TMPRSS3: variants seen among roughly 807,000 people sequenced by gnomAD.
TMPRSS3 encodes the protein transmembrane protease serine 3.
TMPRSS3 carries 55 observed loss-of-function variants against 59.6 expected under a neutral mutation model. The observed-to-expected ratio is 0.92, with a 90% confidence interval of 0.74 to 1.16. The LOEUF is 1.16. Ranked by LOEUF, TMPRSS3 falls within the 50% of genes most tolerant of loss-of-function variation. TMPRSS3 has a pLI of 0.00. For synonymous variants in TMPRSS3, 257 were observed against 237.7 expected, an observed-to-expected ratio of 1.08 and a Z score of -0.75; for missense variants, 596 against 579.4, an observed-to-expected ratio of 1.03 and a Z score of -0.29.
chr21:42,375,644 C>G, intron 12 of TMPRSS3, 72 bp downstream of exon 12: 1 of 1,598,290 alleles, frequency 6.3e-7, no homozygotes, highest in South Asian at 1.1e-5. Flanking sequence ...ATAGCAAGAC[C>G]AGGGTTGCAT....
intron 8 of TMPRSS3, chr21:42,382,530 T>C (rs898990317): frequency 2.2e-5 from 10 of 462,728 alleles, no homozygotes; most frequent in Non-Finnish European, 4.0e-6. Context: ...GCACTACTGT[T>C]CATCAAACAG....
intron 9 of TMPRSS3, chr21:42,381,840 A>G (rs2052534337): frequency 5.8e-6 from 4 of 683,884 alleles, no homozygotes; most frequent in African/African-American, 1.8e-5. Context: ...CACATTGTCC[A>G]GGATACAATT....
intron 10 of TMPRSS3, among the ~76,000 whole-genome samples, chr21:42,379,275 G>T (rs1827433001): frequency 6.6e-6 from 1 of 151,884 alleles, no homozygotes; most frequent in Non-Finnish European, 1.5e-5. Context: ...CAATCCTCCT[G>T]CCTTGGCCTC....
At chr21:42,387,507 A>T (rs1375595549) in intron 5 of TMPRSS3, among the ~76,000 whole-genome samples, 1 of 151,866 alleles carries the variant, frequency 6.6e-6, no homozygotes, top group African/African-American at 2.4e-5. Flanking sequence ...TCTGAATCTC[A>T]GTTGGTGTGG....
intron 9 of TMPRSS3, 106 bp from the exon 10 acceptor site, chr21:42,380,318 G>A: frequency 7.6e-6 from 7 of 922,698 alleles, no homozygotes; most frequent in Non-Finnish European, 1.2e-5. Context: ...TCTCCCAAGG[G>A]AAGGAAGGTC....
At chr21:42,387,689 A>G (rs143759099) in intron 5 of TMPRSS3, among the ~76,000 whole-genome samples, 1 of 152,276 alleles carries the variant, frequency 6.6e-6, no homozygotes, top group African/African-American at 2.4e-5. Context: ...GCAAAGCAGA[A>G]TGCAGCCTGC....
Position 42,375,708 on chromosome 21 carries a change from G to A in TMPRSS3, c.1344+8C>T, listed in dbSNP as rs368075894. 85 of 1,613,520 alleles carry A rather than the reference G, an allele frequency of 5.3e-5. No homozygotes were observed. Among genetic ancestry groups the A allele is most frequent in the Admixed American group, 1.3e-4 (8 of 59,996 alleles). On this transcript the variant is annotated splice_region_variant and intron_variant, in intron 12 of 12. Coordinates refer to ENST00000644384, the MANE Select transcript of TMPRSS3 (RefSeq NM_001256317.3). Reference sequence around the variant, plus strand: ...GACAACGTGAGCTGGGGAGGGCGCCGCACCCACCTCCATCTGCTCGTGGAT... The same window carrying A: ...GACAACGTGAGCTGGGGAGGGCGCCACACCCACCTCCATCTGCTCGTGGAT...
chr21:42,375,483 G>C (rs1007596129), intron 12 of TMPRSS3, among the ~76,000 whole-genome samples: 1 of 151,434 alleles, frequency 6.6e-6, no homozygotes, highest in Admixed American at 6.6e-5. Context: ...TCTTCCTCCC[G>C]GGCCCCAGCT....
Position 42,383,900 on chromosome 21 carries a change from CT to C in TMPRSS3, c.616+69del, listed in dbSNP as rs751247270. 7.1e-5 allele frequency: 111 copies of C among 1,552,586 alleles called. 1 individual carries two copies. The highest frequency in any genetic ancestry group is 7.8e-5 in the Non-Finnish European group (88 of 1,125,596). On this transcript the variant is annotated intron_variant, in intron 7 of 12. Coordinates refer to ENST00000644384, the MANE Select transcript of TMPRSS3 (RefSeq NM_001256317.3). ...CAGAGCCCCATGGGGGGAGAGGACT[CT>C]GAGGGCAAGGAGATAGGACTTAGCA... is the stretch of plus-strand genomic sequence containing the variant.
chr21:42,390,859 C>T (rs990177033), intron 2 of TMPRSS3, among the ~76,000 whole-genome samples: 10 of 152,206 alleles, frequency 6.6e-5, no homozygotes, highest in African/African-American at 2.4e-4. Context: ...AATGCATCTA[C>T]ACACCAAGAA....
At chr21:42,376,813 C>T (rs1486275386) in intron 10 of TMPRSS3, 130 bp from the exon 11 acceptor site, 33 of 1,398,980 alleles carry the variant, frequency 2.4e-5, no homozygotes, top group Non-Finnish European at 2.8e-5. Flanking sequence ...GTCGCAACAG[C>T]GGAAAAGGAC....
intron 6 of TMPRSS3, 140 bp from the exon 7 acceptor site, chr21:42,384,153 G>C: frequency 1.9e-6 from 1 of 524,016 alleles, no homozygotes. Flanking sequence ...TTTAGTCTAT[G>C]TTCAAAAAAA....
In TMPRSS3 at chr21:42,375,405, C is replaced by T. The variant is rs532572802; in HGVS notation, c.1344+311G>A. Among the ~76,000 whole-genome samples, 4 of 151,750 alleles carry T rather than the reference C, an allele frequency of 2.6e-5. No homozygotes were observed. In the South Asian group the frequency reaches 8.4e-4, roughly 32 times the overall value. On this transcript the variant is annotated intron_variant, in intron 12 of 12. Coordinates refer to ENST00000644384, the MANE Select transcript of TMPRSS3 (RefSeq NM_001256317.3). Reference sequence around the variant, plus strand: ...CTGCTCCTGGCACACGGGGCACGCCCGACCCATCCCCATCCCAGCAGGGGC... The same window carrying T: ...CTGCTCCTGGCACACGGGGCACGCCTGACCCATCCCCATCCCAGCAGGGGC...
chr21:42,388,337 G>T lies in TMPRSS3; in HGVS notation c.446+66C>A. Reference sequence around the variant, plus strand: ...CCCAATAGTGCCCAACTAAATGGTAGTTGTCTTTCTTTATTGTTATCCTCT... The same window carrying T: ...CCCAATAGTGCCCAACTAAATGGTATTTGTCTTTCTTTATTGTTATCCTCT... On this transcript the variant is annotated intron_variant, in intron 5 of 12. Coordinates refer to ENST00000644384, the MANE Select transcript of TMPRSS3 (RefSeq NM_001256317.3). This position sits in a 1 kb window ranked among gnomAD's most constrained non-coding sequence, Gnocchi z 5.1. 1 of 1,611,086 alleles carries T rather than the reference G, an allele frequency of 6.2e-7. No homozygotes were observed. The highest frequency in any genetic ancestry group is 8.5e-7 in the Non-Finnish European group (1 of 1,177,266).
In TMPRSS3 at chr21:42,388,936, G is replaced by A. The variant is rs1271567611; in HGVS notation, c.315C>T (p.Tyr105=). ...VSDCKDGEDE[Y]RCVRVGGQNA... is the part of the protein sequence containing the mutation. ...GAAGAGCCATGACCTTACCACAGCGGTACTCGTCCTCCCCGTCTTTGCAAT... is the reference window on the plus strand; with the variant it reads ...GAAGAGCCATGACCTTACCACAGCGATACTCGTCCTCCCCGTCTTTGCAAT... The change falls in exon 4 of 13, where the codon TAC becomes TAT. Residue 105 remains tyrosine (Y), a synonymous_variant. Transcript: ENST00000644384. The surrounding 1 kb of genome is among the most constrained non-coding windows in gnomAD (Gnocchi z 5.1). 17 of 1,613,552 alleles carry A rather than the reference G, an allele frequency of 1.1e-5. No homozygotes were observed. The highest frequency in any genetic ancestry group is 1.3e-5 in the Non-Finnish European group (15 of 1,179,624).
chr21:42,388,991 T>C lies in TMPRSS3; in HGVS notation c.260A>G (p.Glu87Gly). 6.2e-7 allele frequency: 1 copy of C among 1,614,188 alleles called. No homozygotes were observed. The highest frequency in any genetic ancestry group is 1.7e-4 in the Middle Eastern group (1 of 6,060). Residue 87 changes from glutamate to glycine, a missense_variant, in exon 4 of 13, where the codon GAG becomes GGG. By Grantham distance (98) the Glu-to-Gly change is moderately conservative. Transcript: ENST00000644384. This position sits in a 1 kb window ranked among gnomAD's most constrained non-coding sequence, Gnocchi z 5.1. Reference sequence around the variant, plus strand: ...GACTCCGTCACATCGAGCTATCAGCTCGATACACTTAAAGGATGAGCGACA... The same window carrying C: ...GACTCCGTCACATCGAGCTATCAGCCCGATACACTTAAAGGATGAGCGACA... ...YRCRSSFKCI[E>G]LIARCDGVSD...
chr21:42,388,269 T>C lies in TMPRSS3; in HGVS notation c.446+134A>G, dbSNP rs900085716. ...TGTGAAGTGAGGATGATATCGGGCATCCTAAGGTGGATGTGAGGATGTAAT... is the reference window on the plus strand; with the variant it reads ...TGTGAAGTGAGGATGATATCGGGCACCCTAAGGTGGATGTGAGGATGTAAT... On this transcript the variant is annotated intron_variant, in intron 5 of 12. Coordinates refer to ENST00000644384, the MANE Select transcript of TMPRSS3 (RefSeq NM_001256317.3). The surrounding 1 kb of genome is among the most constrained non-coding windows in gnomAD (Gnocchi z 5.1). The C allele has an allele frequency of 3.2e-6, 4 of 1,240,798 alleles. No individual in the cohort carries two copies. Among genetic ancestry groups the C allele is most frequent in the Non-Finnish European group, 3.5e-6 (3 of 860,042 alleles). The allele number at this position is 1,240,798 out of a possible 1,614,324, so 76.9% of individuals were successfully genotyped here.
intron 10 of TMPRSS3, among the ~76,000 whole-genome samples, chr21:42,379,596 C>G (rs1459785041): frequency 1.3e-5 from 2 of 152,198 alleles, no homozygotes; most frequent in Admixed American, 6.5e-5. Flanking sequence ...TGTACCCACA[C>G]TAAGGAAAGG....
At chr21:42,373,430 C>T (rs2052367705) in intron 12 of TMPRSS3, among the ~76,000 whole-genome samples, 1 of 152,176 alleles carries the variant, frequency 6.6e-6, no homozygotes, top group Non-Finnish European at 1.5e-5. Context: ...TCGCCGGAGC[C>T]AGCGTCACAG....
Sources: gnomAD v4.1 joint callset for allele counts (sites outside exome capture counted in the v4.1 genomes callset) on GRCh38, gnomAD v4.1.1 for gene constraint, Gnocchi (gnomAD v3.1) non-coding constraint, MANE v1.5 for transcripts, NCBI Gene and HGNC (gene_info 2026-07-23, HGNC 2026-07-21) for gene names.